Variants in MAPT observed in about 807,000 individuals in gnomAD.
The protein encoded by MAPT is microtubule associated protein tau.
In MAPT, 34 loss-of-function variants were observed where a neutral mutation model predicts 67.9. The observed-to-expected ratio is 0.50, with a 90% CI of 0.38 to 0.67. The LOEUF (loss-of-function observed/expected upper bound fraction) is 0.67. Among genes scored for constraint, MAPT ranks in the 30% least tolerant of loss-of-function variants. The probability of loss-of-function intolerance (pLI) is 0.00; values close to 1 mark genes in which losing one functional copy is unlikely to be tolerated. For missense variants in MAPT, 881 were observed against 1,115.2 expected (o/e 0.79, Z 2.99); for synonymous variants, 456 against 464.5 (o/e 0.98, Z 0.23).
rs76980614 is a variant in MAPT at position 46,017,440 on chromosome 17, A to ATTTT, written c.2174-1151_2174-1148dup. On this transcript the variant is annotated intron_variant, in intron 11 of 12. Coordinates refer to ENST00000262410, the MANE Select transcript of MAPT (RefSeq NM_001377265.1). ...AGGCACATGCCAACATGCCTGGCTAATTTTTTTTTTTTTTTTTTTTTTTTT... is the reference window on the plus strand; with the variant it reads ...AGGCACATGCCAACATGCCTGGCTAATTTTTTTTTTTTTTTTTTTTTTTTTTTTT... Among the ~76,000 whole-genome samples, 397 of 62,982 alleles carry ATTTT rather than the reference A, an allele frequency of 6.3e-3. 65 individuals are homozygous for ATTTT. Among genetic ancestry groups the ATTTT allele is most frequent in the African/African-American group, 0.03 (374 of 12,628 alleles). 41.3% of individuals were successfully genotyped at this position (62,982 alleles called of 152,430 possible). A position where few individuals can be genotyped will look rare whatever the true frequency, so the allele number is the denominator to read the frequency against.
intron 2 of MAPT, among the ~76,000 whole-genome samples, chr17:45,964,221 A>G (rs1455601278): frequency 6.7e-6 from 1 of 148,212 alleles, no homozygotes; most frequent in East Asian, 1.9e-4. Flanking sequence ...GTTTTGTTTT[A>G]TTATACTTTA....
At chr17:45,952,499 T>G (rs1159291536) in intron 1 of MAPT, among the ~76,000 whole-genome samples, 1 of 152,126 alleles carries the variant, frequency 6.6e-6, no homozygotes, top group Non-Finnish European at 1.5e-5. Flanking sequence ...AAAATAAAAA[T>G]TTAGACTGGG....
intron 1 of MAPT, among the ~76,000 whole-genome samples, chr17:45,932,416 C>T (rs1450811754): frequency 6.6e-6 from 1 of 151,432 alleles, no homozygotes; most frequent in East Asian, 2.0e-4. Context: ...CATGGTGAAA[C>T]TTCATCTCTA....
intron 1 of MAPT, among the ~76,000 whole-genome samples, chr17:45,960,377 C>T (rs927623249): frequency 7.9e-5 from 12 of 152,248 alleles, no homozygotes; most frequent in African/African-American, 2.9e-4. Context: ...GAGTGCCTCA[C>T]TCCCGTACAG....
chr17:45,991,276 T>G (rs1249460588), intron 7 of MAPT, among the ~76,000 whole-genome samples, 184 bp from the exon 8 acceptor site: 1 of 152,130 alleles, frequency 6.6e-6, no homozygotes, highest in Non-Finnish European at 1.5e-5. Context: ...GGTGGGGATG[T>G]GGGTTTGTGT....
At chr17:46,006,258 T>G (rs1021891797) in intron 9 of MAPT, among the ~76,000 whole-genome samples, 2 of 152,102 alleles carry the variant, frequency 1.3e-5, no homozygotes, top group African/African-American at 4.8e-5. Context: ...TATTCAGCCA[T>G]GAAAAAGAAT....
intron 1 of MAPT, among the ~76,000 whole-genome samples, chr17:45,912,821 T>A (rs920160488): frequency 2.0e-5 from 3 of 152,172 alleles, no homozygotes; most frequent in Admixed American, 2.0e-4. Context: ...GCCAACCTAG[T>A]TCCCAGGCCC....
chr17:45,957,633 A>G (rs1342749142), intron 1 of MAPT, among the ~76,000 whole-genome samples: 1 of 152,200 alleles, frequency 6.6e-6, no homozygotes, highest in African/African-American at 2.4e-5. Flanking sequence ...GGAGAGGCCC[A>G]TTCACAAAAG....
In MAPT at chr17:45,971,859, A is replaced by T. The variant is rs764226855; in HGVS notation, c.134A>T (p.Glu45Val). The T allele has an allele frequency of 5.6e-6, 9 of 1,612,008 alleles. No homozygotes were observed. In the East Asian group the frequency reaches 2.0e-4, roughly 36 times the overall value. The change falls in exon 3 of 13, where the codon GAA (glutamate) becomes GTA (valine). Residue 45 changes from glutamate (E) to valine (V), a missense_variant and splice_region_variant. Glu to Val is a moderately radical substitution (Grantham distance 121). Transcript: ENST00000262410. This position sits in a 1 kb window ranked among gnomAD's most constrained non-coding sequence, Gnocchi z 4.3. The stretch of plus-strand genomic sequence containing the variant: ...TGAGGGCTCACTGTATGTGTTCCAG[A>T]ATCTCCCCTGCAGACCCCCACTGAG... ...QEGDTDAGLK[E>V]SPLQTPTEDG...
At chr17:46,002,401 G>T (rs1006341680) in intron 9 of MAPT, among the ~76,000 whole-genome samples, 2 of 152,204 alleles carry the variant, frequency 1.3e-5, no homozygotes, top group African/African-American at 4.8e-5. Context: ...CGAGAGAGAA[G>T]TTGCTCATGT....
chr17:45,965,574 C>G (rs1333513496), intron 2 of MAPT, among the ~76,000 whole-genome samples: 1 of 151,868 alleles, frequency 6.6e-6, no homozygotes, highest in African/African-American at 2.4e-5. Flanking sequence ...TACCACCACG[C>G]CTGGCCAGTT....
At chr17:45,946,615 A>AAAATATATATATATAT in intron 1 of MAPT, among the ~76,000 whole-genome samples, 1 of 100,406 alleles carries the variant, frequency 1.0e-5, no homozygotes. Context: ...AAAAAAAAAA[A>AAAATATATATATATAT]ATATATATAT....
chr17:45,996,368 T>C lies in MAPT; in HGVS notation c.1733-31T>C, dbSNP rs112663614. On this transcript the variant is annotated intron_variant, in intron 8 of 12. Transcript: ENST00000262410. This position sits in a 1 kb window ranked among gnomAD's most constrained non-coding sequence, Gnocchi z 4.5. ...CCTTTTCTGACCCCACCCACTCGAGTCCTGGCTTCACTCCCTTCCTTCCTT... is the reference window on the plus strand; with the variant it reads ...CCTTTTCTGACCCCACCCACTCGAGCCCTGGCTTCACTCCCTTCCTTCCTT... 4,774 of 1,606,762 alleles carry C rather than the reference T, an allele frequency of 3.0e-3. 75 individuals are homozygous for C. The African/African-American group carries it at 0.036, about 12-fold the overall frequency.
intron 1 of MAPT, among the ~76,000 whole-genome samples, chr17:45,900,753 A>T (rs2063560533): frequency 6.6e-6 from 1 of 152,160 alleles, no homozygotes; most frequent in Non-Finnish European, 1.5e-5. Context: ...CCTGGGCACA[A>T]ATCCCAGCTC....
intron 9 of MAPT, among the ~76,000 whole-genome samples, chr17:46,008,393 T>G (rs960599239): frequency 1.3e-5 from 2 of 152,148 alleles, no homozygotes; most frequent in African/African-American, 4.8e-5. Context: ...GCCTAGGATA[T>G]GATATCACTT....
chr17:45,932,594 CAAA>C (rs982542546), intron 1 of MAPT, among the ~76,000 whole-genome samples: 3 of 50,094 alleles, frequency 6.0e-5, no homozygotes, highest in Non-Finnish European at 3.6e-5. Flanking sequence ...GACTCCATCT[CAAA>C]AAAAAAAAAA....
chr17:45,999,398 T>A, intron 9 of MAPT: 1 of 1,614,018 alleles, frequency 6.2e-7, no homozygotes. Flanking sequence ...GAGTGGATGA[T>A]TCAGGTTGCC....
At chr17:45,920,991 G>A (rs554247414) in intron 1 of MAPT, among the ~76,000 whole-genome samples, 2 of 152,324 alleles carry the variant, frequency 1.3e-5, no homozygotes, top group Admixed American at 1.3e-4. Context: ...TTGTTGTACA[G>A]CATGATGAAC....
At position 46,010,269 on chromosome 17, in the gene MAPT, C is replaced by G; in HGVS notation, c.1999-41C>G. 2 of 1,392,834 alleles carry G rather than the reference C, an allele frequency of 1.4e-6. No homozygotes were observed. The highest frequency in any genetic ancestry group is 2.0e-6 in the Non-Finnish European group (2 of 1,003,100). The allele number at this position is 1,392,834 out of a possible 1,614,324, so 86.3% of individuals were successfully genotyped here. On this transcript the variant is annotated intron_variant, in intron 9 of 12. Transcript: ENST00000262410. The surrounding 1 kb of genome is among the most constrained non-coding windows in gnomAD (Gnocchi z 4.7). ...GTCCTTGCGAGCAAGCAGGCGGGTC[C>G]AGGGTGGCGTGTCACTCATCCTTTT...
Sources: allele counts gnomAD v4.1 joint callset (sites outside exome capture counted in the v4.1 genomes callset), GRCh38; gene constraint gnomAD v4.1.1; non-coding constraint Gnocchi (gnomAD v3.1); transcripts MANE v1.5; gene names NCBI Gene and HGNC (gene_info 2026-07-23, HGNC 2026-07-21).